UBASH3B: variants seen among roughly 807,000 people sequenced by gnomAD.
The protein encoded by UBASH3B is ubiquitin associated and SH3 domain containing B.
UBASH3B carries 37 observed loss-of-function variants against 83.4 expected under a neutral mutation model. The observed-to-expected ratio is 0.44, with a 90% CI of 0.34 to 0.58. UBASH3B has a LOEUF of 0.58. Among genes scored for constraint, UBASH3B ranks in the 20% least tolerant of loss-of-function variants. The pLI, the probability that UBASH3B is intolerant of heterozygous loss-of-function variation, is 0.01. For synonymous variants in UBASH3B, 304 were observed against 318.3 expected, an observed-to-expected ratio of 0.96 and a Z score of 0.48; for missense variants, 657 against 827.2, an observed-to-expected ratio of 0.79 and a Z score of 2.52.
intron 1 of UBASH3B, among the ~76,000 whole-genome samples, chr11:122,678,983 C>G (rs1863703618): frequency 6.6e-6 from 1 of 152,148 alleles, no homozygotes; most frequent in African/African-American, 2.4e-5. Context: ...ACAAGGATGC[C>G]TCTGTGTTTA....
intron 1 of UBASH3B, among the ~76,000 whole-genome samples, chr11:122,761,028 A>G (rs556189904): frequency 3.3e-5 from 5 of 152,258 alleles, no homozygotes; most frequent in East Asian, 1.9e-4. Context: ...ACTGCGCAGG[A>G]GTTTTTGCCA....
chr11:122,793,481 G>A lies in UBASH3B; in HGVS notation c.981-1221G>A, dbSNP rs540898532. Among the ~76,000 whole-genome samples, 6 of 152,344 alleles carry A rather than the reference G, an allele frequency of 3.9e-5. No individual in the cohort carries two copies. The East Asian group carries it at 1.2e-3, about 29-fold the overall frequency. ...TTGCCTCATCAACAGATGCAAGCCAGGAGTATATGGAGCAAACTGGGATGG... is the reference window on the plus strand; with the variant it reads ...TTGCCTCATCAACAGATGCAAGCCAAGAGTATATGGAGCAAACTGGGATGG... On this transcript the variant is annotated intron_variant, in intron 6 of 13. Transcript: ENST00000284273.
At chr11:122,721,016 T>C (rs112635276) in intron 1 of UBASH3B, among the ~76,000 whole-genome samples, 1,669 of 151,580 alleles carry the variant, frequency 0.011, 42 homozygotes, top group East Asian at 0.082. Flanking sequence ...GAGGCCGAGG[T>C]GGGCAGATCA....
intron 1 of UBASH3B, among the ~76,000 whole-genome samples, chr11:122,692,678 G>A (rs956078613): frequency 6.6e-6 from 1 of 152,218 alleles, no homozygotes; most frequent in African/African-American, 2.4e-5. Context: ...GGGAAAGACA[G>A]GGTTTGTCTC....
chr11:122,771,547 T>C (rs1860643437), intron 1 of UBASH3B, among the ~76,000 whole-genome samples: 1 of 152,204 alleles, frequency 6.6e-6, no homozygotes, highest in Admixed American at 6.5e-5. Context: ...AGCCTCTTAC[T>C]TAGCTTTTAA....
intron 1 of UBASH3B, among the ~76,000 whole-genome samples, chr11:122,732,990 T>C (rs773129903): frequency 6.6e-6 from 1 of 152,164 alleles, no homozygotes; most frequent in African/African-American, 2.4e-5. Flanking sequence ...TATACCTACA[T>C]AATATCAAGC....
At position 122,801,307 on chromosome 11, in the gene UBASH3B, A is replaced by C. The variant is rs1373431202; in HGVS notation, c.1570A>C (p.Asn524His). The change falls in exon 11 of 14, where the codon AAC (asparagine) becomes CAC (histidine). Residue 524 changes from asparagine to histidine, a missense_variant. Coordinates refer to ENST00000284273, the MANE Select transcript of UBASH3B (RefSeq NM_032873.5). ...WIPPSELAAA[N>H]LSVDTTYRPH... ...ACCTCCATCAGAGTTAGCTGCAGCC[A>C]ACCTGAGTGTTGATACAACCTACAG... 1 of 1,614,212 alleles carries C rather than the reference A, an allele frequency of 6.2e-7. No homozygotes were observed. Among genetic ancestry groups the C allele is most frequent in the East Asian group, 2.2e-5 (1 of 44,890 alleles).
chr11:122,667,037 C>CTTTTT (rs148029449), intron 1 of UBASH3B, among the ~76,000 whole-genome samples: 9 of 101,546 alleles, frequency 8.9e-5, no homozygotes, highest in African/African-American at 1.1e-4. Flanking sequence ...TAATGGCATT[C>CTTTTT]TTTTTTTTTT....
chr11:122,714,843 C>T (rs1860482173), intron 1 of UBASH3B, among the ~76,000 whole-genome samples: 1 of 152,212 alleles, frequency 6.6e-6, no homozygotes, highest in South Asian at 2.1e-4. Context: ...TAACCTTGTA[C>T]AAAGTATTTA....
chr11:122,690,190 A>ATCCAAT (rs1415323433), intron 1 of UBASH3B, among the ~76,000 whole-genome samples: 4 of 24,190 alleles, frequency 1.7e-4, no homozygotes, highest in African/African-American at 5.5e-4. Context: ...ATATATATAT[A>ATCCAAT]TATATATATA....
At chr11:122,769,559 C>T (rs771467421) in intron 1 of UBASH3B, among the ~76,000 whole-genome samples, 1 of 152,274 alleles carries the variant, frequency 6.6e-6, no homozygotes, top group African/African-American at 2.4e-5. Flanking sequence ...TCAAGATGGC[C>T]GCCAGCCCCA....
intron 5 of UBASH3B, 111 bp downstream of exon 5, chr11:122,783,333 C>A (rs1860891043): frequency 7.7e-7 from 1 of 1,296,070 alleles, no homozygotes; most frequent in Non-Finnish European, 1.1e-6. Context: ...GGAGCAAGCA[C>A]CTAACAGAGA....
At chr11:122,784,489 A>G (rs1389874545) in intron 5 of UBASH3B, among the ~76,000 whole-genome samples, 6 of 152,170 alleles carry the variant, frequency 3.9e-5, no homozygotes, top group Admixed American at 6.5e-5. Flanking sequence ...GTGAGACTGT[A>G]TCTCTACCCA....
At chr11:122,741,285 T>A (rs1565548031) in intron 1 of UBASH3B, among the ~76,000 whole-genome samples, 1 of 152,356 alleles carries the variant, frequency 6.6e-6, no homozygotes, top group African/African-American at 2.4e-5. Flanking sequence ...TAATGAATTT[T>A]AAAAATTTTC....
chr11:122,799,110 G>C, intron 10 of UBASH3B, 76 bp downstream of exon 10: 2 of 1,224,566 alleles, frequency 1.6e-6, no homozygotes, highest in Non-Finnish European at 2.4e-6. Context: ...AATTATCTTA[G>C]AGCCATGGGA....
chr11:122,767,266 CAAAA>C (rs202221314), intron 1 of UBASH3B, among the ~76,000 whole-genome samples: 1 of 140,830 alleles, frequency 7.1e-6, no homozygotes, highest in African/African-American at 2.6e-5. Flanking sequence ...GACTCCGTCT[CAAAA>C]AAAAAAAAAA....
intron 6 of UBASH3B, among the ~76,000 whole-genome samples, chr11:122,793,141 T>G (rs1176540654): frequency 1.3e-5 from 2 of 152,180 alleles, no homozygotes; most frequent in African/African-American, 2.4e-5. Context: ...AGCATGACTT[T>G]GGGAGGCCAA....
chr11:122,723,804 C>G (rs1444816549), intron 1 of UBASH3B, among the ~76,000 whole-genome samples: 1 of 152,218 alleles, frequency 6.6e-6, no homozygotes, highest in Non-Finnish European at 1.5e-5. Context: ...TCAAAAATCT[C>G]AAGTTTCATT....
intron 6 of UBASH3B, among the ~76,000 whole-genome samples, chr11:122,789,849 G>A (rs536730547): frequency 1.3e-5 from 2 of 152,278 alleles, no homozygotes; most frequent in East Asian, 3.9e-4. Flanking sequence ...CTGCCAGACT[G>A]AAAAGGGGTC....
Sources: allele counts gnomAD v4.1 joint callset (sites outside exome capture counted in the v4.1 genomes callset), GRCh38; gene constraint gnomAD v4.1.1; transcripts MANE v1.5; gene names NCBI Gene and HGNC (gene_info 2026-07-23, HGNC 2026-07-21).